STMN2: variants seen among roughly 807,000 people sequenced by gnomAD.
STMN2 encodes stathmin 2, also known as stathmin-2.
In STMN2, 2 loss-of-function variants were observed where a neutral mutation model predicts 24.1. That is an observed-to-expected ratio of 0.08 (90% CI 0.03 to 0.26). The LOEUF is 0.26. Among genes scored for constraint, STMN2 ranks in the 10% least tolerant of loss-of-function variants. STMN2 has a pLI of 1.00. For synonymous variants in STMN2, 83 were observed against 77.5 expected (o/e 1.07, Z -0.37); for missense variants, 114 against 213.6 (o/e 0.53, Z 2.91).
intron 1 of STMN2, among the ~76,000 whole-genome samples, chr8:79,622,929 C>T (rs1211036159): frequency 6.6e-6 from 1 of 152,160 alleles, no homozygotes; most frequent in Non-Finnish European, 1.5e-5. Context: ...TTCACTCCCA[C>T]TCCGTATCAC....
chr8:79,648,893 A>G (rs934077004), intron 3 of STMN2, among the ~76,000 whole-genome samples: 2 of 152,214 alleles, frequency 1.3e-5, no homozygotes, highest in Non-Finnish European at 2.9e-5. Flanking sequence ...TGTGAAAACA[A>G]AAGGATTTTA....
rs750255394 is a variant in STMN2 at position 79,636,894 on chromosome 8, G to C, written c.112G>C (p.Asp38His). Residue 38 changes from aspartate to histidine, a missense_variant, in exon 2 of 5, where the codon GAT becomes CAT. By Grantham distance (81) the Asp-to-His change is moderately conservative. Coordinates refer to ENST00000220876, the MANE Select transcript of STMN2 (RefSeq NM_007029.4). Reference sequence around the variant, plus strand: ...TCGCAACATCAACATCTATACTTACGATGGTGAGTAACCTAGGATAGACAT... The same window carrying C: ...TCGCAACATCAACATCTATACTTACCATGGTGAGTAACCTAGGATAGACAT... ...EPRNINIYTY[D>H]DMEVKQINKR... 6.2e-7 allele frequency: 1 copy of C among 1,613,090 alleles called. No individual in the cohort carries two copies. Among genetic ancestry groups the C allele is most frequent in the East Asian group, 2.2e-5 (1 of 44,846 alleles).
At chr8:79,614,153 C>T (rs1207179518) in intron 1 of STMN2, among the ~76,000 whole-genome samples, 2 of 152,094 alleles carry the variant, frequency 1.3e-5, no homozygotes, top group Non-Finnish European at 2.9e-5. Context: ...ATGACAAACG[C>T]AAGCATCCTT....
intron 4 of STMN2, among the ~76,000 whole-genome samples, chr8:79,657,352 T>G (rs1196170222): frequency 6.6e-6 from 1 of 152,162 alleles, no homozygotes; most frequent in Non-Finnish European, 1.5e-5. Flanking sequence ...CCCAACCAAA[T>G]TTAGTGCCCT....
chr8:79,655,661 T>G (rs751774115), intron 4 of STMN2, among the ~76,000 whole-genome samples: 5 of 152,102 alleles, frequency 3.3e-5, no homozygotes, highest in African/African-American at 4.8e-5. Flanking sequence ...AAACATATAT[T>G]CATTCCCATG....
intron 1 of STMN2, among the ~76,000 whole-genome samples, chr8:79,619,889 T>C (rs1490036999): frequency 6.6e-6 from 1 of 152,028 alleles, no homozygotes; most frequent in Admixed American, 6.5e-5. Flanking sequence ...ATATTTCTGA[T>C]GATTTTTTTC....
intron 1 of STMN2, among the ~76,000 whole-genome samples, chr8:79,632,812 A>T (rs1257979971): frequency 6.6e-6 from 1 of 152,220 alleles, no homozygotes; most frequent in African/African-American, 2.4e-5. Context: ...AATTTTTATG[A>T]TACTGCACTA....
intron 1 of STMN2, among the ~76,000 whole-genome samples, chr8:79,621,692 C>CT (rs1809519317): frequency 1.3e-5 from 2 of 152,176 alleles, no homozygotes; most frequent in African/African-American, 4.8e-5. Context: ...CCCAAGATGG[C>CT]AACCATCAAG....
chr8:79,660,780 T>C (rs1806484924), intron 4 of STMN2, among the ~76,000 whole-genome samples: 3 of 152,022 alleles, frequency 2.0e-5, no homozygotes, highest in South Asian at 2.1e-4. Context: ...ACCCAATATG[T>C]AGTCTTTCAT....
Position 79,666,103 on chromosome 8 carries a change from T to A in STMN2, c.*1229T>A, listed in dbSNP as rs1228866284. On this transcript the variant is annotated 3_prime_UTR_variant, in exon 5 of 5. Coordinates refer to ENST00000220876, the MANE Select transcript of STMN2 (RefSeq NM_007029.4). ...TTACTCTTCATTAGTGCTATTTTCC[T>A]GTATGTCATTGTGAGCAAGCTGTGA... 1 of 152,238 alleles carries A rather than the reference T, an allele frequency of 6.6e-6. No homozygotes were observed. Among genetic ancestry groups the A allele is most frequent in the African/African-American group, 2.4e-5 (1 of 41,462 alleles). The allele number at this position is 152,238 out of a possible 1,614,324, so 9.4% of individuals were successfully genotyped here.
At chr8:79,653,197 C>T (rs1164185593) in intron 3 of STMN2, among the ~76,000 whole-genome samples, 1 of 151,802 alleles carries the variant, frequency 6.6e-6, no homozygotes, top group Non-Finnish European at 1.5e-5. Context: ...GCCAACATGA[C>T]GAAACCCCAT....
chr8:79,655,186 C>A, intron 4 of STMN2, 124 bp downstream of exon 4: 1 of 1,049,256 alleles, frequency 9.5e-7, no homozygotes. Context: ...CAACTAACTC[C>A]CATGGGCAGG....
chr8:79,658,317 G>GA (rs1050342273), intron 4 of STMN2, among the ~76,000 whole-genome samples: 5 of 149,692 alleles, frequency 3.3e-5, no homozygotes, highest in Non-Finnish European at 5.9e-5. Flanking sequence ...AAAATAAAAA[G>GA]AAAAAAAAAG....
chr8:79,661,199 A>G (rs1447012518), intron 4 of STMN2, among the ~76,000 whole-genome samples: 1 of 152,002 alleles, frequency 6.6e-6, no homozygotes, highest in Non-Finnish European at 1.5e-5. Flanking sequence ...TGATAGTTCT[A>G]CTTTCAGTTC....
At chr8:79,660,149 C>T (rs1370230307) in intron 4 of STMN2, among the ~76,000 whole-genome samples, 1 of 152,146 alleles carries the variant, frequency 6.6e-6, no homozygotes, top group Non-Finnish European at 1.5e-5. Context: ...TCCTCTCAAG[C>T]AATTCAGCAT....
In STMN2 at chr8:79,639,984, G is replaced by A. The variant is rs547914418; in HGVS notation, c.116-1394G>A. ...TGGGAGGCCAAGGCTGGCAGATCAC[G>A]AGGTCAGGAGTTCGAGACCAGCCTG... On this transcript the variant is annotated intron_variant, in intron 2 of 4. Coordinates refer to ENST00000220876, the MANE Select transcript of STMN2 (RefSeq NM_007029.4). Among the ~76,000 whole-genome samples, 342 of 152,284 alleles carry A rather than the reference G, an allele frequency of 2.2e-3. 1 individual carries two copies. Among genetic ancestry groups the A allele is most frequent in the Non-Finnish European group, 4.0e-3 (273 of 68,024 alleles).
intron 1 of STMN2, chr8:79,621,075 C>G (rs942967407): frequency 1.1e-6 from 1 of 950,736 alleles, no homozygotes; most frequent in Non-Finnish European, 1.3e-6. Flanking sequence ...ATCAGCTCTG[C>G]CCTTCTCCAC....
At chr8:79,625,245 T>C (rs1226389087) in intron 1 of STMN2, among the ~76,000 whole-genome samples, 2 of 152,224 alleles carry the variant, frequency 1.3e-5, no homozygotes, top group East Asian at 3.8e-4. Flanking sequence ...TACCCAACTA[T>C]ATTGATGACT....
At chr8:79,644,801 C>A (rs1227442368) in intron 3 of STMN2, among the ~76,000 whole-genome samples, 1 of 152,124 alleles carries the variant, frequency 6.6e-6, no homozygotes, top group Admixed American at 6.5e-5. Context: ...TATTTTCTTA[C>A]AGATAGAATG....
Sources: allele counts gnomAD v4.1 joint callset (sites outside exome capture counted in the v4.1 genomes callset), GRCh38; gene constraint gnomAD v4.1.1; transcripts MANE v1.5; gene names NCBI Gene and HGNC (gene_info 2026-07-23, HGNC 2026-07-21).